The following ACSL4 variants were observed in gnomAD, a reference collection of about 807,000 sequenced individuals.
The protein encoded by ACSL4 is acyl-CoA synthetase long chain family member 4, also known as long-chain-fatty-acid--CoA ligase 4.
ACSL4 carries 9 observed loss-of-function variants against 49.1 expected under a neutral mutation model. The observed-to-expected ratio is 0.18, with a 90% CI of 0.11 to 0.32. ACSL4 has a LOEUF of 0.32. Among genes scored for constraint, ACSL4 ranks in the 10% least tolerant of loss-of-function variants. The pLI, the probability that ACSL4 is intolerant of heterozygous loss-of-function variation, is 1.00. For missense variants in ACSL4, 333 were observed against 493.7 expected (o/e 0.67, Z 3.08); for synonymous variants, 191 against 170.3 (o/e 1.12, Z -0.95).
intron 2 of ACSL4, among the ~76,000 whole-genome samples, chrX:109,694,599 C>T (rs1925285767): frequency 1.8e-5 from 2 of 111,929 alleles, no homozygotes; most frequent in South Asian, 7.3e-4. Flanking sequence ...TTACTATCAC[C>T]ATAATTTCAT....
At chrX:109,678,627 C>T (rs1319545375) in intron 6 of ACSL4, among the ~76,000 whole-genome samples, 2 of 111,771 alleles carry the variant, frequency 1.8e-5, no homozygotes, top group Non-Finnish European at 3.8e-5. Flanking sequence ...CCCTGGATTT[C>T]GAGACCAGCC....
intron 15 of ACSL4, among the ~76,000 whole-genome samples, chrX:109,647,423 T>A (rs1409634028): frequency 8.9e-6 from 1 of 111,852 alleles, no homozygotes; most frequent in East Asian, 2.8e-4. Flanking sequence ...CTGGATGACT[T>A]CTGGGTACAT....
At chrX:109,646,654 C>T (rs1482238290) in intron 15 of ACSL4, among the ~76,000 whole-genome samples, 1 of 109,322 alleles carries the variant, frequency 9.1e-6, no homozygotes, top group African/African-American at 3.3e-5. Context: ...ATGACAGGAT[C>T]AAATTCACAC....
intron 1 of ACSL4, among the ~76,000 whole-genome samples, chrX:109,701,034 C>T (rs969089714): frequency 9.0e-6 from 1 of 111,166 alleles, no homozygotes; most frequent in African/African-American, 3.3e-5. Flanking sequence ...TAGAGCAAGA[C>T]TCCATCTCAA....
chrX:109,654,687 C>T (rs773772290), intron 15 of ACSL4, among the ~76,000 whole-genome samples: 1 of 111,927 alleles, frequency 8.9e-6, no homozygotes, highest in South Asian at 3.7e-4. Context: ...AGCAAACTGC[C>T]CTCATAGTAG....
In ACSL4 at chrX:109,721,886, T is replaced by C. The variant is rs777050055; in HGVS notation, c.-66+11253A>G. On this transcript the variant is annotated intron_variant, in intron 1 of 15. Transcript: ENST00000672401. ...CAATCTCACATGCCCTCTCATTAAC[T>C]AAGTGAGAAATAGAGAAACTCTATC... 1.2e-4 allele frequency among the ~76,000 whole-genome samples: 14 copies of C among 112,148 alleles called. 3 individuals are homozygous for C. The South Asian group carries it at 1.5e-3, about 12-fold the overall frequency.
chrX:109,718,751 G>GAAAAAAAAA (rs1228132229), intron 1 of ACSL4, among the ~76,000 whole-genome samples: 6 of 47,958 alleles, frequency 1.3e-4, no homozygotes, highest in African/African-American at 3.8e-4. Flanking sequence ...CCTGTCTCAA[G>GAAAAAAAAA]AAAAAAAAAA....
intron 1 of ACSL4, among the ~76,000 whole-genome samples, chrX:109,710,376 G>C (rs1027391722): frequency 5.3e-5 from 6 of 112,201 alleles, no homozygotes; most frequent in African/African-American, 1.9e-4. Flanking sequence ...GCAAGTAAAT[G>C]AAAGCACCAG....
At chrX:109,661,793 T>C in intron 13 of ACSL4, 148 bp from the exon 14 acceptor site, 3 of 486,418 alleles carry the variant, frequency 6.2e-6, no homozygotes, top group Non-Finnish European at 1.1e-5. Flanking sequence ...AATTGTGGTT[T>C]TTGCCATTAC....
chrX:109,668,366 G>A (rs1231546377), intron 10 of ACSL4, 93 bp from the exon 11 acceptor site: 4 of 761,495 alleles, frequency 5.3e-6, no homozygotes, highest in Non-Finnish European at 7.5e-6. Context: ...TTCCTCAACT[G>A]GTTGAACATC....
chrX:109,647,756 G>A (rs189982031), intron 15 of ACSL4, among the ~76,000 whole-genome samples: 1,956 of 110,647 alleles, frequency 0.018, 41 homozygotes, highest in African/African-American at 0.06. Context: ...GAAAGGATCA[G>A]CAAAATTGAT....
intron 1 of ACSL4, among the ~76,000 whole-genome samples, chrX:109,716,030 C>T (rs1927095263): frequency 8.9e-6 from 1 of 112,294 alleles, no homozygotes; most frequent in Non-Finnish European, 1.9e-5. Context: ...TAGCCAGTAA[C>T]AACCCTTTCC....
Position 109,641,647 on chromosome X carries a change from T to C in ACSL4, c.*2382A>G, listed in dbSNP as rs1475407942. On this transcript the variant is annotated 3_prime_UTR_variant, in exon 16 of 16. Transcript: ENST00000672401. ...GTTATTCATGATCAAAGAAACATGA[T>C]TCTCCTTAACTGTGACTTTTTGAAT... 1 of 112,460 alleles carries C rather than the reference T, an allele frequency of 8.9e-6. No homozygotes were observed. The highest frequency in any genetic ancestry group is 1.9e-5 in the Non-Finnish European group (1 of 53,217). 9.3% of individuals were successfully genotyped at this position (112,460 alleles called of 1,213,427 possible).
rs1922943851 is a variant in ACSL4 at position 109,669,171 on chromosome X, T to C, written c.1005A>G (p.Glu335=). The change falls in exon 10 of 16, where the codon GAA becomes GAG. Residue 335 remains glutamate (E), a splice_region_variant and synonymous_variant. Coordinates refer to ENST00000672401, the MANE Select transcript of ACSL4 (RefSeq NM_001318510.2). The part of the protein sequence containing the change: ...LKPTLMAAVP[E]IMDRIYKNVM... Reference sequence around the variant, plus strand: ...CATTCTTATAAATTCTATCCATGATTTCCTGAAAGTTAAACAAAATATTCA... The same window carrying C: ...CATTCTTATAAATTCTATCCATGATCTCCTGAAAGTTAAACAAAATATTCA... The C allele has an allele frequency of 2.6e-6, 3 of 1,153,563 alleles. No homozygotes were observed. Among genetic ancestry groups the C allele is most frequent in the African/African-American group, 3.6e-5 (2 of 56,004 alleles).
At chrX:109,653,954 A>G (rs1176955190) in intron 15 of ACSL4, among the ~76,000 whole-genome samples, 3 of 109,878 alleles carry the variant, frequency 2.7e-5, no homozygotes, top group African/African-American at 1.0e-4. Flanking sequence ...TTAAAGTATA[A>G]TAATAATTTT....
rs181231995 is a variant in ACSL4, at chrX:109,644,668, G to T, written c.1856-482C>A. Among the ~76,000 whole-genome samples the T allele has an allele frequency of 3.6e-4, 40 of 112,193 alleles. 1 individual carries two copies. The highest frequency in any genetic ancestry group is 9.7e-4 in the African/African-American group (30 of 30,913). On this transcript the variant is annotated intron_variant, in intron 15 of 15. Transcript: ENST00000672401. ...CTGACCACTCATAACAAAAGAGAAGGGGGAGGAGCCAAGATGGCCAAATAC... is the reference window on the plus strand; with the variant it reads ...CTGACCACTCATAACAAAAGAGAAGTGGGAGGAGCCAAGATGGCCAAATAC...
intron 8 of ACSL4, among the ~76,000 whole-genome samples, chrX:109,675,365 G>A (rs1923593664): frequency 8.9e-6 from 1 of 112,488 alleles, no homozygotes; most frequent in Non-Finnish European, 1.9e-5. Context: ...TCCTGGTTAT[G>A]ACAATATTGC....
intron 12 of ACSL4, 103 bp from the exon 13 acceptor site, chrX:109,663,505 T>A: frequency 1.4e-6 from 1 of 731,464 alleles, no homozygotes; most frequent in Non-Finnish European, 2.1e-6. Flanking sequence ...AGATTTTATA[T>A]CACTTTATGA....
At chrX:109,730,483 T>G (rs1005723010) in intron 1 of ACSL4, among the ~76,000 whole-genome samples, 1 of 111,913 alleles carries the variant, frequency 8.9e-6, no homozygotes, top group African/African-American at 3.3e-5. Context: ...ACTGTTGTTG[T>G]TTTTAACAAA....
Sources: allele counts gnomAD v4.1 joint callset (sites outside exome capture counted in the v4.1 genomes callset), GRCh38; gene constraint gnomAD v4.1.1; transcripts MANE v1.5; gene names NCBI Gene and HGNC (gene_info 2026-07-23, HGNC 2026-07-21).